The following SMG6 variants were observed in gnomAD, a reference collection of about 807,000 sequenced individuals.
SMG6 encodes the protein telomerase-binding protein EST1A.
In SMG6, 66 loss-of-function variants were observed where a neutral mutation model predicts 142.2. The observed-to-expected ratio is 0.46, with a 90% CI of 0.38 to 0.57. SMG6 has a LOEUF of 0.57. SMG6 is among the 20% of genes least tolerant of loss of function. SMG6 has a pLI of 0.00. For missense variants in SMG6, 1,793 were observed against 1,832.0 expected (o/e 0.98, Z 0.39); for synonymous variants, 779 against 702.4 (o/e 1.11, Z -1.72).
At chr17:2,154,249 A>G (rs889718297) in intron 13 of SMG6, among the ~76,000 whole-genome samples, 1 of 145,638 alleles carries the variant, frequency 6.9e-6, no homozygotes, top group African/African-American at 2.6e-5. Context: ...GGATGCATCT[A>G]GAGTGTGACG....
At chr17:2,150,568 C>T (rs1260978862) in intron 13 of SMG6, among the ~76,000 whole-genome samples, 2 of 151,674 alleles carry the variant, frequency 1.3e-5, no homozygotes, top group Non-Finnish European at 2.9e-5. Flanking sequence ...CCCATGTCAT[C>T]AGGGGTAGCT....
intron 8 of SMG6, among the ~76,000 whole-genome samples, chr17:2,274,548 AACAG>A (rs1597759448): frequency 6.6e-6 from 1 of 152,214 alleles, no homozygotes; most frequent in African/African-American, 2.4e-5. Flanking sequence ...GAAAAAGGAA[AACAG>A]ACAGACACGT....
chr17:2,115,968 A>C (rs1014518574), intron 13 of SMG6, among the ~76,000 whole-genome samples: 2 of 152,148 alleles, frequency 1.3e-5, no homozygotes, highest in Non-Finnish European at 2.9e-5. Context: ...TGGCCCCCCA[A>C]AGTGCAAGAA....
chr17:2,236,541 C>T lies in SMG6; in HGVS notation c.2820G>A (p.Leu940=), dbSNP rs151227752. ...CAAACATATTGATGGTCATAAGCTG[C>T]AGCATGCGGGTACTTCCAATGGGAG... is the stretch of plus-strand genomic sequence containing the variant. The part of the protein sequence containing the change: ...SPSPIGSTRM[L]QLMTINMFAV... Residue 940 remains leucine, a synonymous_variant, in exon 10 of 19, where the codon CTG becomes CTA. Coordinates refer to ENST00000263073, the MANE Select transcript of SMG6 (RefSeq NM_017575.5). 18 of 1,613,496 alleles carry T rather than the reference C, an allele frequency of 1.1e-5. No homozygotes were observed. Among genetic ancestry groups the T allele is most frequent in the Non-Finnish European group, 1.5e-5 (18 of 1,179,734 alleles).
chr17:2,153,389 A>G (rs1201716231), intron 13 of SMG6, among the ~76,000 whole-genome samples: 1 of 152,226 alleles, frequency 6.6e-6, no homozygotes, highest in Non-Finnish European at 1.5e-5. Context: ...AGCTGGTTGC[A>G]TGAGGGAATT....
intron 13 of SMG6, among the ~76,000 whole-genome samples, chr17:2,149,453 G>A (rs2070764192): frequency 6.7e-6 from 1 of 148,738 alleles, no homozygotes; most frequent in South Asian, 2.1e-4. Flanking sequence ...TAAAGAATAA[G>A]ACTAATCTCT....
chr17:2,079,573 T>A (rs191233123), intron 15 of SMG6, among the ~76,000 whole-genome samples: 1 of 148,430 alleles, frequency 6.7e-6, no homozygotes, highest in African/African-American at 2.5e-5. Flanking sequence ...GAGGTGGAGG[T>A]TGCAGTGAGC....
Position 2,299,895 on chromosome 17 carries a change from G to C in SMG6, c.858C>G (p.Thr286=), listed in dbSNP as rs766991540. ...GCTTCTTCAGTCGTGGCCTCTCCTT[G>C]GTCCTATCCTGTCGGCGGCGGCGAC... The part of the protein sequence containing the change: ...NGCRRRRQDR[T]KERPRLKKQV... Residue 286 remains threonine (T), a synonymous_variant, in exon 2 of 19, where the codon ACC becomes ACG. Transcript: ENST00000263073. The surrounding 1 kb of genome is among the most constrained non-coding windows in gnomAD (Gnocchi z 4.3). 1.2e-6 allele frequency: 2 copies of C among 1,614,142 alleles called. No individual in the cohort carries two copies. The highest frequency in any genetic ancestry group is 1.7e-6 in the Non-Finnish European group (2 of 1,180,026).
intron 6 of SMG6, among the ~76,000 whole-genome samples, chr17:2,290,549 C>T (rs2075008120): frequency 1.3e-5 from 2 of 152,132 alleles, no homozygotes; most frequent in African/African-American, 2.4e-5. Flanking sequence ...GGTGTGAAGA[C>T]AACTTCTTAA....
intron 10 of SMG6, among the ~76,000 whole-genome samples, chr17:2,212,406 A>C (rs1259609154): frequency 6.6e-6 from 1 of 152,214 alleles, no homozygotes; most frequent in Non-Finnish European, 1.5e-5. Context: ...TTTGTCTGGC[A>C]GTTGCTGTTC....
At chr17:2,233,720 CAGGCA>C (rs962035533) in intron 10 of SMG6, 32 of 150,734 alleles carry the variant, frequency 2.1e-4, no homozygotes, top group African/African-American at 7.8e-4. Context: ...TGCCACTGTC[CAGGCA>C]AGCACAGCAC....
chr17:2,268,685 G>C (rs2074477525), intron 8 of SMG6, among the ~76,000 whole-genome samples: 1 of 152,206 alleles, frequency 6.6e-6, no homozygotes, highest in Non-Finnish European at 1.5e-5. Flanking sequence ...GCCGAGGTGG[G>C]CGGATCACAA....
At chr17:2,278,742 G>A (rs2151374200) in intron 8 of SMG6, among the ~76,000 whole-genome samples, 1 of 152,086 alleles carries the variant, frequency 6.6e-6, no homozygotes, top group East Asian at 1.9e-4. Context: ...CACATTCTGT[G>A]CACGTATAAA....
At chr17:2,190,555 A>G (rs1238984577) in intron 10 of SMG6, among the ~76,000 whole-genome samples, 1 of 152,234 alleles carries the variant, frequency 6.6e-6, no homozygotes, top group Non-Finnish European at 1.5e-5. Flanking sequence ...GGTGGGGGCT[A>G]GGGCTCAGAG....
intron 13 of SMG6, among the ~76,000 whole-genome samples, chr17:2,161,054 AG>A (rs2071161200): frequency 6.6e-6 from 1 of 150,800 alleles, no homozygotes; most frequent in Non-Finnish European, 1.5e-5. Context: ...GTATGTATGT[AG>A]GTAGGTAGGT....
Position 2,292,590 on chromosome 17 carries a change from G to A in SMG6, c.2299C>T (p.Arg767Cys). The A allele has an allele frequency of 6.2e-7, 1 of 1,614,194 alleles. No individual in the cohort carries two copies. The highest frequency in any genetic ancestry group is 8.5e-7 in the Non-Finnish European group (1 of 1,180,024). The change falls in exon 6 of 19, where the codon CGC (arginine) becomes TGC (cysteine). Residue 767 changes from arginine (R) to cysteine (C), a missense_variant. Coordinates refer to ENST00000263073, the MANE Select transcript of SMG6 (RefSeq NM_017575.5). ...AGCAAAGCCAACTGGTTATAGGGGC[G>A]CCCATTCTTGGGAGCAATGTGCTGG... The part of the protein sequence containing the change: ...KAQHIAPKNG[R>C]PYNQLALLAV...
chr17:2,275,902 C>T (rs1194184451), intron 8 of SMG6, among the ~76,000 whole-genome samples: 3 of 152,148 alleles, frequency 2.0e-5, no homozygotes, highest in Non-Finnish European at 2.9e-5. Flanking sequence ...AACCCACAAG[C>T]TAACCTCCTG....
In SMG6 at chr17:2,200,828, G is replaced by A. The variant is rs540371456; in HGVS notation, c.2870-12313C>T. ...AGGTTCAAGCAATCCTCCCACCTCG[G>A]CCTCCCAACCTCCTGGTCTCAAATT... is the stretch of plus-strand genomic sequence containing the variant. On this transcript the variant is annotated intron_variant, in intron 10 of 18. Transcript: ENST00000263073. Among the ~76,000 whole-genome samples, 8 of 152,036 alleles carry A rather than the reference G, an allele frequency of 5.3e-5. No individual in the cohort carries two copies. The South Asian group carries it at 1.7e-3, about 32-fold the overall frequency.
intron 13 of SMG6, among the ~76,000 whole-genome samples, chr17:2,106,855 G>C (rs189018250): frequency 6.7e-6 from 1 of 149,318 alleles, no homozygotes; most frequent in Non-Finnish European, 1.5e-5. Flanking sequence ...ACAGAGTCTC[G>C]GTTTGTCGCC....
Sources: gnomAD v4.1 joint callset for allele counts (sites outside exome capture counted in the v4.1 genomes callset) on GRCh38, gnomAD v4.1.1 for gene constraint, Gnocchi (gnomAD v3.1) non-coding constraint, MANE v1.5 for transcripts, NCBI Gene and HGNC (gene_info 2026-07-23, HGNC 2026-07-21) for gene names.